The following METTL13 variants were observed in gnomAD, a reference collection of about 807,000 sequenced individuals.
METTL13 encodes the protein eEF1A lysine and N-terminal methyltransferase.
Under a neutral mutation model 67.4 loss-of-function variants are expected in METTL13, and 52 were observed. The observed-to-expected ratio is 0.77, with a 90% CI of 0.62 to 0.97. METTL13 has a LOEUF of 0.97. Ranked by LOEUF, METTL13 falls within the 50% of genes least tolerant of loss-of-function variation. METTL13 has a pLI of 0.00. For synonymous variants in METTL13, 354 were observed against 353.6 expected, an observed-to-expected ratio of 1.00 and a Z score of -0.01; for missense variants, 825 against 889.6, an observed-to-expected ratio of 0.93 and a Z score of 0.92.
At position 171,784,460 on chromosome 1, in the gene METTL13, G is replaced by A. The variant is rs1221850335; in HGVS notation, c.874G>A (p.Val292Met). Reference sequence around the variant, plus strand: ...CCTCCACGTGGTGGACAGCCCCACTGTGAAACCATCGCGGGACAATCATTT... The same window carrying A: ...CCTCCACGTGGTGGACAGCCCCACTATGAAACCATCGCGGGACAATCATTT... ...YTLHVVDSPT[V>M]KPSRDNHFAI... Residue 292 changes from valine to methionine, a missense_variant, in exon 2 of 8, where the codon GTG becomes ATG. Coordinates refer to ENST00000361735, the MANE Select transcript of METTL13 (RefSeq NM_015935.5). The A allele has an allele frequency of 1.3e-6, 2 of 1,509,604 alleles. No homozygotes were observed. The highest frequency in any genetic ancestry group is 2.8e-5 in the African/African-American group (2 of 71,542). 93.5% of individuals were successfully genotyped at this position (1,509,604 alleles called of 1,614,324 possible). A position where few individuals can be genotyped will look rare whatever the true frequency, so the allele number is the denominator to read the frequency against.
chr1:171,790,564 C>T lies in METTL13; in HGVS notation c.1422C>T (p.His474=), dbSNP rs1214437752. 1 of 1,608,780 alleles carries T rather than the reference C, an allele frequency of 6.2e-7. No individual in the cohort carries two copies. Among genetic ancestry groups the T allele is most frequent in the Non-Finnish European group, 8.5e-7 (1 of 1,178,424 alleles). ...AGAGTTACCTGTGTTGTGAACACCA[C>T]AAAGCCATGATCGCTGGCCTTGCCC... ...IDKSYLCCEH[H]KAMIAGLALL... The change falls in exon 5 of 8, where the codon CAC becomes CAT. Residue 474 remains histidine, a synonymous_variant. Transcript: ENST00000361735.
chr1:171,784,874 C>T (rs1198415785), intron 2 of METTL13, among the ~76,000 whole-genome samples: 3 of 152,208 alleles, frequency 2.0e-5, no homozygotes, highest in Admixed American at 1.3e-4. Flanking sequence ...ACTAGCAAGT[C>T]TAAGACATAG....
chr1:171,789,175 C>T (rs1469863333), intron 4 of METTL13, among the ~76,000 whole-genome samples: 1 of 152,146 alleles, frequency 6.6e-6, no homozygotes, highest in African/African-American at 2.4e-5. Flanking sequence ...AGAACGTTCT[C>T]CCTCATGGGA....
chr1:171,781,746 G>A lies in METTL13; in HGVS notation c.-222G>A, dbSNP rs1190506637. 6 of 1,345,258 alleles carry A rather than the reference G, an allele frequency of 4.5e-6. No homozygotes were observed. Among genetic ancestry groups the A allele is most frequent in the Non-Finnish European group, 5.7e-6 (6 of 1,044,214 alleles). The allele number at this position is 1,345,258 out of a possible 1,614,324, so 83.3% of individuals were successfully genotyped here. A position where few individuals can be genotyped will look rare whatever the true frequency, so the allele number is the denominator to read the frequency against. ...TGGGGAAGGAACAGCAGGCGCGGAG[G>A]AGGGGGCAAGCGTGTGTGAGATTCA... On this transcript the variant is annotated 5_prime_UTR_variant, in exon 1 of 8. Coordinates refer to ENST00000361735, the MANE Select transcript of METTL13 (RefSeq NM_015935.5).
Position 171,796,714 on chromosome 1 carries a change from G to A in METTL13, c.2058G>A (p.Thr686=), listed in dbSNP as rs61733151. ...LRKPGRGWDD[T]YVLSDMLKTV... ...AGCCTGGGAGGGGTTGGGATGACACGTATGTCTTGTCAGATATGCTCAAGA... is the reference window on the plus strand; with the variant it reads ...AGCCTGGGAGGGGTTGGGATGACACATATGTCTTGTCAGATATGCTCAAGA... The change falls in exon 8 of 8, where the codon ACG becomes ACA. Residue 686 remains threonine (T), a synonymous_variant. Coordinates refer to ENST00000361735, the MANE Select transcript of METTL13 (RefSeq NM_015935.5). 2.9e-4 allele frequency: 465 copies of A among 1,614,196 alleles called. 3 individuals carry two copies. Among genetic ancestry groups the A allele is most frequent in the Middle Eastern group, 8.3e-4 (5 of 6,060 alleles).
At chr1:171,783,688 T>TAC in intron 1 of METTL13, 52 bp from the exon 2 acceptor site, 1 of 1,551,626 alleles carries the variant, frequency 6.4e-7, no homozygotes, top group Non-Finnish European at 8.7e-7. Flanking sequence ...GTACCTGAAG[T>TAC]ACAGTCCTTT....
chr1:171,790,239 G>C (rs931672397), intron 4 of METTL13, among the ~76,000 whole-genome samples: 2 of 152,188 alleles, frequency 1.3e-5, no homozygotes, highest in African/African-American at 4.8e-5. Context: ...CGACATTGGG[G>C]ATCACATTTC....
chr1:171,787,624 T>C, intron 3 of METTL13, 111 bp from the exon 4 acceptor site: 5 of 944,582 alleles, frequency 5.3e-6, no homozygotes, highest in Non-Finnish European at 7.8e-6. Context: ...GAGTAGTTGT[T>C]GTCTAGAACC....
rs749215232 is a variant in METTL13, at chr1:171,792,228, A to G, written c.1686A>G (p.Gly562=). ...GLDYIASLAG[G]GEARPCYDVI... is the part of the protein sequence containing the mutation. ...ACTATATCGCCAGCTTGGCAGGAGG[A>G]GGAGAAGGTACTGCTCTTGGAGCAT... Residue 562 remains glycine (G), a synonymous_variant, in exon 6 of 8, where the codon GGA becomes GGG. Transcript: ENST00000361735. 1 of 1,614,144 alleles carries G rather than the reference A, an allele frequency of 6.2e-7. No individual in the cohort carries two copies. The highest frequency in any genetic ancestry group is 8.5e-7 in the Non-Finnish European group (1 of 1,180,022).
In METTL13 at chr1:171,784,254, T is replaced by C. The variant is rs1040684477; in HGVS notation, c.668T>C (p.Phe223Ser). ...GTCCCTGGCTCTGCCCTTCAGATCTTTGAGCTGTGTGCTCAGGAGCAGCGC... is the reference window on the plus strand; with the variant it reads ...GTCCCTGGCTCTGCCCTTCAGATCTCTGAGCTGTGTGCTCAGGAGCAGCGC... ...RPVPGSALQI[F>S]ELCAQEQRKP... Residue 223 changes from phenylalanine to serine, a missense_variant, in exon 2 of 8, where the codon TTT becomes TCT. Physicochemically the swap from Phe to Ser is radical, Grantham distance 155. Transcript: ENST00000361735. 1.2e-6 allele frequency: 2 copies of C among 1,613,934 alleles called. No homozygotes were observed. The highest frequency in any genetic ancestry group is 1.6e-4 in the Middle Eastern group (1 of 6,084).
At position 171,784,199 on chromosome 1, in the gene METTL13, T is replaced by C; in HGVS notation, c.613T>C (p.Phe205Leu). ...AGAGCCTCAGTTCTCCTTGCCTGTC[T>C]TTGCCTTCATCATGACCAAGTTCAG... ...EAEPQFSLPV[F>L]AFIMTKFRPV... The change falls in exon 2 of 8, where the codon TTT (phenylalanine) becomes CTT (leucine). Residue 205 changes from phenylalanine to leucine, a missense_variant. Phe to Leu is a conservative substitution (Grantham distance 22). Transcript: ENST00000361735. 6.2e-7 allele frequency: 1 copy of C among 1,614,180 alleles called. No homozygotes were observed. The highest frequency in any genetic ancestry group is 8.5e-7 in the Non-Finnish European group (1 of 1,180,044).
At position 171,796,535 on chromosome 1, in the gene METTL13, C is replaced by T; in HGVS notation, c.1879C>T (p.Leu627=). 6.2e-7 allele frequency: 1 copy of T among 1,614,218 alleles called. No homozygotes were observed. The highest frequency in any genetic ancestry group is 8.5e-7 in the Non-Finnish European group (1 of 1,180,040). ...AGACTTGGGGCTAAAAGACTCAGTG[C>T]TGGCTGGGCTCAAGGCAGTGTTCCC... The part of the protein sequence containing the change: ...CRDLGLKDSV[L]AGLKAVFPLL... The change falls in exon 8 of 8, where the codon CTG becomes TTG. Residue 627 remains leucine, a synonymous_variant. Coordinates refer to ENST00000361735, the MANE Select transcript of METTL13 (RefSeq NM_015935.5).
intron 5 of METTL13, chr1:171,790,997 A>G (rs1341364325): frequency 6.3e-6 from 1 of 159,172 alleles, no homozygotes; most frequent in Non-Finnish European, 1.4e-5. Flanking sequence ...GAAAAGATTC[A>G]TATTATAGTT....
At position 171,792,296 on chromosome 1, in the gene METTL13, C is replaced by A. The variant is rs1376868331; in HGVS notation, c.1693+61C>A. On this transcript the variant is annotated intron_variant, in intron 6 of 7. Transcript: ENST00000361735. Reference sequence around the variant, plus strand: ...GATGATTGATGCGACATTGTCAGGCCCGCAAGGGCCTCTACAGTTTATCTC... The same window carrying A: ...GATGATTGATGCGACATTGTCAGGCACGCAAGGGCCTCTACAGTTTATCTC... The A allele has an allele frequency of 3.2e-6, 5 of 1,579,678 alleles. No homozygotes were observed. The African/African-American group carries it at 6.7e-5, about 21-fold the overall frequency.
intron 1 of METTL13, among the ~76,000 whole-genome samples, chr1:171,782,405 A>G (rs954849090): frequency 8.6e-5 from 13 of 151,434 alleles, no homozygotes; most frequent in Non-Finnish European, 1.6e-4. Context: ...TCGTCTCTAC[A>G]AAAAATGAAA....
intron 4 of METTL13, among the ~76,000 whole-genome samples, chr1:171,788,983 A>G (rs1657114088): frequency 4.6e-5 from 7 of 152,168 alleles, no homozygotes; most frequent in Admixed American, 4.6e-4. Context: ...AAGAGCACCC[A>G]AGATTGTTGG....
At chr1:171,791,486 C>CT (rs1050560450) in intron 5 of METTL13, among the ~76,000 whole-genome samples, 18 of 151,422 alleles carry the variant, frequency 1.2e-4, no homozygotes, top group South Asian at 4.2e-4. Flanking sequence ...GTGAAGAAGT[C>CT]TTTTTTTTTG....
chr1:171,787,963 A>G (rs767408341), intron 4 of METTL13, 33 bp downstream of exon 4: 2 of 1,606,494 alleles, frequency 1.2e-6, no homozygotes, highest in South Asian at 1.1e-5. Flanking sequence ...GTGGGACCCA[A>G]GTGGCCGTGG....
chr1:171,786,349 T>C (rs2294721), intron 3 of METTL13, among the ~76,000 whole-genome samples: 75,681 of 152,006 alleles, frequency 0.5, 19,246 homozygotes, highest in East Asian at 0.64. Flanking sequence ...ATTGCGGGCT[T>C]CAGTTCTTCC....
Sources: gnomAD v4.1 joint callset for allele counts (sites outside exome capture counted in the v4.1 genomes callset) on GRCh38, gnomAD v4.1.1 for gene constraint, MANE v1.5 for transcripts, NCBI Gene and HGNC (gene_info 2026-07-23, HGNC 2026-07-21) for gene names.